The following SPAG9 variants were observed in gnomAD, a reference collection of about 807,000 sequenced individuals.
SPAG9 encodes the protein C-Jun-amino-terminal kinase-interacting protein 4.
A neutral mutation model predicts 166.5 loss-of-function variants in SPAG9; 35 were observed. The ratio of observed to expected loss-of-function variants is 0.21; its 90% CI spans 0.16 to 0.28. The LOEUF (loss-of-function observed/expected upper bound fraction) is 0.28, where lower values mean the gene tolerates loss of function less well. SPAG9 is among the 10% of genes least tolerant of loss of function. The probability of loss-of-function intolerance (pLI) is 1.00; values close to 1 mark genes in which losing one functional copy is unlikely to be tolerated. For missense variants in SPAG9, 1,235 were observed against 1,603.3 expected (o/e 0.77, Z 3.92); for synonymous variants, 534 against 565.5 (o/e 0.94, Z 0.79).
intron 1 of SPAG9, among the ~76,000 whole-genome samples, chr17:51,094,011 G>C (rs1356479376): frequency 6.6e-6 from 1 of 152,158 alleles, no homozygotes; most frequent in Non-Finnish European, 1.5e-5. Context: ...AAGGTCTAAA[G>C]TCTACGTACT....
intron 7 of SPAG9, 26 bp from the exon 8 acceptor site, chr17:51,020,284 A>T (rs12951728): frequency 2.0e-5 from 29 of 1,450,080 alleles, no homozygotes; most frequent in Non-Finnish European, 2.8e-5. Flanking sequence ...GATGAAATAA[A>T]CAATACATAT....
At chr17:51,003,717 C>G (rs923725084) in intron 12 of SPAG9, among the ~76,000 whole-genome samples, 2 of 152,174 alleles carry the variant, frequency 1.3e-5, no homozygotes, top group African/African-American at 4.8e-5. Context: ...AAGAAAGACA[C>G]TAAGCTTAGC....
intron 1 of SPAG9, among the ~76,000 whole-genome samples, chr17:51,106,102 T>TACACACACACACACACACACACACACAC (rs71149344): frequency 1.8e-5 from 2 of 110,574 alleles, no homozygotes; most frequent in Non-Finnish European, 3.6e-5. Context: ...CCCCCATCTC[T>TACACACACACACACACACACACACACAC]ACACACACAC....
intron 8 of SPAG9, among the ~76,000 whole-genome samples, chr17:51,019,127 G>A (rs2045826241): frequency 6.6e-6 from 1 of 152,148 alleles, no homozygotes. Context: ...AAGACACAGA[G>A]TTCCTCCCCT....
chr17:51,000,686 C>T (rs1284375275), intron 13 of SPAG9, among the ~76,000 whole-genome samples: 1 of 150,944 alleles, frequency 6.6e-6, no homozygotes, highest in African/African-American at 2.4e-5. Flanking sequence ...GAGCCGAGAT[C>T]ACACTTCTGC....
chr17:50,997,276 A>AT (rs1178210390), intron 15 of SPAG9, among the ~76,000 whole-genome samples: 1 of 152,168 alleles, frequency 6.6e-6, no homozygotes, highest in Non-Finnish European at 1.5e-5. Context: ...CACCAAATTT[A>AT]TATCAGGTTT....
chr17:51,019,335 A>T (rs150659702), intron 8 of SPAG9, among the ~76,000 whole-genome samples: 141 of 152,290 alleles, frequency 9.3e-4, no homozygotes, highest in African/African-American at 3.3e-3. Context: ...AGGCAGGCTG[A>T]TCACCTCAGG....
intron 6 of SPAG9, among the ~76,000 whole-genome samples, chr17:51,024,353 T>C (rs1027317597): frequency 4.6e-5 from 7 of 152,230 alleles, no homozygotes; most frequent in African/African-American, 1.4e-4. Context: ...TTACAGTATA[T>C]TGTACATATT....
chr17:51,088,863 G>A (rs911637874), intron 1 of SPAG9, among the ~76,000 whole-genome samples: 1 of 151,918 alleles, frequency 6.6e-6, no homozygotes, highest in African/African-American at 2.4e-5. Flanking sequence ...GGGAGGCCGA[G>A]GCAGGTGGGT....
intron 8 of SPAG9, among the ~76,000 whole-genome samples, 185 bp downstream of exon 8, chr17:51,019,974 A>G (rs1180175528): frequency 2.6e-5 from 4 of 152,262 alleles, no homozygotes; most frequent in African/African-American, 9.6e-5. Context: ...TCCTGCAAAG[A>G]TAACATTTAA....
At chr17:51,018,531 A>C (rs1050993541) in intron 8 of SPAG9, among the ~76,000 whole-genome samples, 2 of 152,172 alleles carry the variant, frequency 1.3e-5, no homozygotes, top group Non-Finnish European at 2.9e-5. Flanking sequence ...AAGTTTGTTC[A>C]AACTTTTTTG....
At chr17:51,105,227 G>A (rs2048916033) in intron 1 of SPAG9, among the ~76,000 whole-genome samples, 1 of 152,196 alleles carries the variant, frequency 6.6e-6, no homozygotes, top group African/African-American at 2.4e-5. Context: ...AAGCCCAGGA[G>A]CACAACATTC....
rs1597896536 is a variant in SPAG9, at chr17:50,979,631, A to T, written c.3409+115T>A. The T allele has an allele frequency of 8.4e-6, 8 of 953,194 alleles. No individual in the cohort carries two copies. The East Asian group carries it at 1.7e-4, about 21-fold the overall frequency. 59.0% of individuals were successfully genotyped at this position (953,194 alleles called of 1,614,324 possible). A position where few individuals can be genotyped will look rare whatever the true frequency, so the allele number is the denominator to read the frequency against. On this transcript the variant is annotated intron_variant, in intron 26 of 29. Coordinates refer to ENST00000262013, the MANE Select transcript of SPAG9 (RefSeq NM_001130528.3). ...GTGTGCTATGACTGCACCTGTGCATAGCCACTGCACTCCATCCTGGGCAAC... is the reference window on the plus strand; with the variant it reads ...GTGTGCTATGACTGCACCTGTGCATTGCCACTGCACTCCATCCTGGGCAAC...
intron 5 of SPAG9, among the ~76,000 whole-genome samples, chr17:51,037,881 T>C (rs1356029095): frequency 6.6e-6 from 1 of 151,746 alleles, no homozygotes; most frequent in Non-Finnish European, 1.5e-5. Flanking sequence ...ACTTTTATAA[T>C]ATGCTCTTTA....
At chr17:51,015,146 G>A (rs1250306159) in intron 8 of SPAG9, among the ~76,000 whole-genome samples, 1 of 152,134 alleles carries the variant, frequency 6.6e-6, no homozygotes, top group Non-Finnish European at 1.5e-5. Context: ...ACAAAATTCT[G>A]TAAGATGGAA....
At position 51,000,851 on chromosome 17, in the gene SPAG9, T is replaced by C. The variant is rs150748153; in HGVS notation, c.1607+864A>G. ...TATTTATTCGATATCCACTAAATAC[T>C]GCAGTTAAGAACATACACTTTCTAG... is the stretch of plus-strand genomic sequence containing the variant. On this transcript the variant is annotated intron_variant, in intron 13 of 29. Coordinates refer to ENST00000262013, the MANE Select transcript of SPAG9 (RefSeq NM_001130528.3). 1.9e-3 allele frequency among the ~76,000 whole-genome samples: 286 copies of C among 152,338 alleles called. 5 individuals are homozygous for C. In the East Asian group the frequency reaches 0.045, roughly 24 times the overall value.
intron 6 of SPAG9, chr17:51,023,398 G>T: frequency 3.9e-6 from 1 of 256,508 alleles, no homozygotes; most frequent in Admixed American, 4.1e-5. Flanking sequence ...TTTAGCTATT[G>T]ATGCTGAAGT....
intron 27 of SPAG9, chr17:50,975,992 C>T: frequency 1.1e-6 from 1 of 925,412 alleles, no homozygotes; most frequent in Non-Finnish European, 1.7e-6. Flanking sequence ...CGTCTTCTAT[C>T]TGGTAAACCT....
intron 2 of SPAG9, among the ~76,000 whole-genome samples, chr17:51,073,367 G>A (rs1462672357): frequency 2.0e-5 from 3 of 152,036 alleles, no homozygotes; most frequent in African/African-American, 7.2e-5. Context: ...GCATGTGCTT[G>A]TAGTCCCAGC....
Sources: gnomAD v4.1 joint callset for allele counts (sites outside exome capture counted in the v4.1 genomes callset) on GRCh38, gnomAD v4.1.1 for gene constraint, MANE v1.5 for transcripts, NCBI Gene and HGNC (gene_info 2026-07-23, HGNC 2026-07-21) for gene names.